The following SLC6A18 variants were observed in gnomAD, a reference collection of about 807,000 sequenced individuals.
SLC6A18 encodes the protein solute carrier family 6 member 18, also known as inactive sodium-dependent neutral amino acid transporter B(0)AT3.
Under a neutral mutation model 62.9 loss-of-function variants are expected in SLC6A18, and 58 were observed. The ratio of observed to expected loss-of-function variants is 0.92; its 90% CI spans 0.75 to 1.15. SLC6A18 has a LOEUF of 1.15. Among genes scored for constraint, SLC6A18 ranks in the 50% most tolerant of loss-of-function variants. SLC6A18 has a pLI of 0.00. For missense variants in SLC6A18, 793 were observed against 836.6 expected, an observed-to-expected ratio of 0.95 and a Z score of 0.64; for synonymous variants, 382 against 365.8, an observed-to-expected ratio of 1.04 and a Z score of -0.51.
chr5:1,227,067 G>T (rs1340584770), intron 1 of SLC6A18, among the ~76,000 whole-genome samples: 12 of 137,710 alleles, frequency 8.7e-5, no homozygotes, highest in Non-Finnish European at 1.7e-4. Flanking sequence ...CACCTTGCCC[G>T]CCGACCCCTT....
intron 3 of SLC6A18, among the ~76,000 whole-genome samples, chr5:1,233,767 A>G (rs1227625975): frequency 3.5e-5 from 3 of 85,140 alleles, no homozygotes; most frequent in African/African-American, 8.3e-5. Flanking sequence ...TTTGAGACGG[A>G]GTCTTGCTCT....
At chr5:1,225,754 A>C in intron 1 of SLC6A18, 117 bp downstream of exon 1, 1 of 1,283,666 alleles carries the variant, frequency 7.8e-7, no homozygotes, top group South Asian at 1.5e-5. Flanking sequence ...CTCCTCCTGG[A>C]AACCAGGGTG....
At chr5:1,242,198 C>T (rs1026376942) in intron 7 of SLC6A18, among the ~76,000 whole-genome samples, 2 of 152,222 alleles carry the variant, frequency 1.3e-5, no homozygotes, top group African/African-American at 4.8e-5. Context: ...CCACCACCCC[C>T]ACCCCCTTTG....
Position 1,239,475 on chromosome 5 carries a change from T to G in SLC6A18, c.758T>G (p.Val253Gly), listed in dbSNP as rs1196952973. Reference protein sequence around the residue: ...PNMHILQNPRVWLDAATQIFF... With the variant: ...PNMHILQNPRGWLDAATQIFF... ...ATGCACATTCTCCAGAACCCCCGGG[T>G]GTGGCTGGACGCAGCCACCCAGATA... is the stretch of plus-strand genomic sequence containing the variant. The change falls in exon 6 of 12, where the codon GTG (valine) becomes GGG (glycine). Residue 253 changes from valine (V) to glycine (G), a missense_variant. Transcript: ENST00000324642. 6.2e-7 allele frequency: 1 copy of G among 1,613,970 alleles called. No individual in the cohort carries two copies.
rs1487453348 is a variant in SLC6A18, at chr5:1,241,383, ACACT to A, written c.974+725_974+728del. On this transcript the variant is annotated intron_variant, in intron 7 of 11. Coordinates refer to ENST00000324642, the MANE Select transcript of SLC6A18 (RefSeq NM_182632.3). This position sits in a 1 kb window ranked among gnomAD's most constrained non-coding sequence, Gnocchi z 7.8. Reference sequence around the variant, plus strand: ...TATATGGAGACATTTTTGATTGGCCACACTTGTGTGAGGGGTGTGCCTGGCATCC... The same window carrying A: ...TATATGGAGACATTTTTGATTGGCCATGTGTGAGGGGTGTGCCTGGCATCC... 1.3e-5 allele frequency among the ~76,000 whole-genome samples: 2 copies of A among 152,172 alleles called. No homozygotes were observed. The highest frequency in any genetic ancestry group is 4.8e-5 in the African/African-American group (2 of 41,442).
intron 6 of SLC6A18, 52 bp downstream of exon 6, chr5:1,239,614 G>A (rs753017681): frequency 1.0e-5 from 14 of 1,366,892 alleles, no homozygotes; most frequent in East Asian, 9.2e-5. Flanking sequence ...GGAGACGCCC[G>A]AGCACTTCCT....
chr5:1,225,411 G>C lies in SLC6A18; in HGVS notation c.-67G>C. 1.3e-6 allele frequency: 2 copies of C among 1,490,326 alleles called. No individual in the cohort carries two copies. The highest frequency in any genetic ancestry group is 1.8e-6 in the Non-Finnish European group (2 of 1,114,946). 92.3% of individuals were successfully genotyped at this position (1,490,326 alleles called of 1,614,324 possible). A position where few individuals can be genotyped will look rare whatever the true frequency, so the allele number is the denominator to read the frequency against. On this transcript the variant is annotated 5_prime_UTR_variant, in exon 1 of 12. Coordinates refer to ENST00000324642, the MANE Select transcript of SLC6A18 (RefSeq NM_182632.3). ...CCAAACGTCGGCAGAGGCTGGAGAC[G>C]GCTCTCTAGTGCTGGGTGTGGAGTG...
rs1412426572 is a variant in SLC6A18 at position 1,241,093 on chromosome 5, A to G, written c.974+434A>G. ...CGCGGCCTGGCCACACTGGGATTTC[A>G]GATGTCACAGTACTCCGGAACGGGA... is the stretch of plus-strand genomic sequence containing the variant. On this transcript the variant is annotated intron_variant, in intron 7 of 11. Transcript: ENST00000324642. This position sits in a 1 kb window ranked among gnomAD's most constrained non-coding sequence, Gnocchi z 7.8. Among the ~76,000 whole-genome samples, 1 of 152,152 alleles carries G rather than the reference A, an allele frequency of 6.6e-6. No homozygotes were observed. Among genetic ancestry groups the G allele is most frequent in the Non-Finnish European group, 1.5e-5 (1 of 68,018 alleles).
At chr5:1,238,128 C>A in intron 5 of SLC6A18, 68 bp downstream of exon 5, 13 of 1,240,498 alleles carry the variant, frequency 1.0e-5, no homozygotes, top group Non-Finnish European at 1.5e-5. Flanking sequence ...GCCAGCAGCT[C>A]CCTCCCTCAC....
chr5:1,232,748 C>A lies in SLC6A18; in HGVS notation c.302-3C>A. 1 of 1,609,276 alleles carries A rather than the reference C, an allele frequency of 6.2e-7. No individual in the cohort carries two copies. The highest frequency in any genetic ancestry group is 8.5e-7 in the Non-Finnish European group (1 of 1,177,456). The stretch of plus-strand genomic sequence containing the variant: ...GGCCACCTGACATGGTCCCTGTCCA[C>A]AGGGCTGGGCTGTGTCACGCTGTCC... On this transcript the variant is annotated splice_polypyrimidine_tract_variant and splice_region_variant and intron_variant, in intron 2 of 11. Coordinates refer to ENST00000324642, the MANE Select transcript of SLC6A18 (RefSeq NM_182632.3).
At position 1,244,242 on chromosome 5, in the gene SLC6A18, C is replaced by A; in HGVS notation, c.1365C>A (p.Ser455=). The change falls in exon 10 of 12, where the codon TCC becomes TCA. Residue 455 remains serine (S), a synonymous_variant. Transcript: ENST00000324642. Reference sequence around the variant, plus strand: ...TGGTCTGCCTGGTCTGCTTCCTCTCCGCCACCTGCTTCACGCTGCAGTCTG... The same window carrying A: ...TGGTCTGCCTGGTCTGCTTCCTCTCAGCCACCTGCTTCACGCTGCAGTCTG... ...TGLVCLVCFL[S]ATCFTLQSGN... 6.2e-7 allele frequency: 1 copy of A among 1,613,224 alleles called. No homozygotes were observed. Among genetic ancestry groups the A allele is most frequent in the East Asian group, 2.2e-5 (1 of 44,840 alleles).
rs34570065 is a variant in SLC6A18, at chr5:1,225,466, C to T, written c.-12C>T. 3.5e-5 allele frequency: 57 copies of T among 1,607,896 alleles called. No homozygotes were observed. Among genetic ancestry groups the T allele is most frequent in the Non-Finnish European group, 4.7e-5 (55 of 1,177,724 alleles). On this transcript the variant is annotated 5_prime_UTR_variant, in exon 1 of 12. Coordinates refer to ENST00000324642, the MANE Select transcript of SLC6A18 (RefSeq NM_182632.3). The stretch of plus-strand genomic sequence containing the variant: ...ACCACCCTTGCCCTGAAGCCTGGGG[C>T]ACTCAGTCACCATGGCTCATGCCCC...
Position 1,244,389 on chromosome 5 carries a change from G to C in SLC6A18, c.1496+16G>C, listed in dbSNP as rs746446808. On this transcript the variant is annotated intron_variant, in intron 10 of 11. Coordinates refer to ENST00000324642, the MANE Select transcript of SLC6A18 (RefSeq NM_182632.3). ...GAATGAAACGGTGAGCTGCCGCCCC[G>C]CCGAGTGCTCCTCTGGGACCCACCA... is the stretch of plus-strand genomic sequence containing the variant. 1 of 1,611,508 alleles carries C rather than the reference G, an allele frequency of 6.2e-7. No homozygotes were observed. Among genetic ancestry groups the C allele is most frequent in the Admixed American group, 1.7e-5 (1 of 59,920 alleles).
Position 1,232,641 on chromosome 5 carries a change from C to T in SLC6A18, c.302-110C>T, listed in dbSNP as rs966386583. 26 of 1,463,840 alleles carry T rather than the reference C, an allele frequency of 1.8e-5. No individual in the cohort carries two copies. In the African/African-American group the frequency reaches 2.3e-4, roughly 13 times the overall value. 90.7% of individuals were successfully genotyped at this position (1,463,840 alleles called of 1,614,324 possible). A position where few individuals can be genotyped will look rare whatever the true frequency, so the allele number is the denominator to read the frequency against. Reference sequence around the variant, plus strand: ...AGGGAGGCCTGGCTTTCAGCTGCGCCCTTCAGCATGTGTTATTTTATGTTG... The same window carrying T: ...AGGGAGGCCTGGCTTTCAGCTGCGCTCTTCAGCATGTGTTATTTTATGTTG... On this transcript the variant is annotated intron_variant, in intron 2 of 11. Transcript: ENST00000324642.
Position 1,233,243 on chromosome 5 carries a change from C to T in SLC6A18, c.439+355C>T, listed in dbSNP as rs541423389. Among the ~76,000 whole-genome samples, 47 of 152,252 alleles carry T rather than the reference C, an allele frequency of 3.1e-4. No homozygotes were observed. In the South Asian group the frequency reaches 8.5e-3, roughly 28 times the overall value. On this transcript the variant is annotated intron_variant, in intron 3 of 11. Transcript: ENST00000324642. ...TTGTCAACCCAGCACTTAGGGAGGC[C>T]GAGGTGGGCAGATCACTTGAGGTCA...
rs761033923 is a variant in SLC6A18, at chr5:1,243,792, C to G, written c.1336+33C>G. The stretch of plus-strand genomic sequence containing the variant: ...CACAGCTCCGCCGCCCTGGAGGACC[C>G]GTCCCCAGCATCTGACTGTCCACTC... On this transcript the variant is annotated intron_variant, in intron 9 of 11. Coordinates refer to ENST00000324642, the MANE Select transcript of SLC6A18 (RefSeq NM_182632.3). The surrounding 1 kb of genome is among the most constrained non-coding windows in gnomAD (Gnocchi z 6.5). 2.6e-6 allele frequency: 4 copies of G among 1,550,306 alleles called. No individual in the cohort carries two copies. The highest frequency in any genetic ancestry group is 1.2e-5 in the South Asian group (1 of 83,078).
At chr5:1,232,630 T>C (rs1414480597) in intron 2 of SLC6A18, 121 bp from the exon 3 acceptor site, 1 of 1,419,912 alleles carries the variant, frequency 7.0e-7, no homozygotes, top group Non-Finnish European at 9.4e-7. Flanking sequence ...AGGCCTGGCT[T>C]TCAGCTGCGC....
rs781203007 is a variant in SLC6A18, at chr5:1,243,553, A to G, written c.1132-2A>G. 2 of 1,612,954 alleles carry G rather than the reference A, an allele frequency of 1.2e-6. No individual in the cohort carries two copies. Among genetic ancestry groups the G allele is most frequent in the Non-Finnish European group, 1.7e-6 (2 of 1,179,922 alleles). On this transcript the variant is annotated splice_acceptor_variant, in intron 8 of 11. Coordinates refer to ENST00000324642, the MANE Select transcript of SLC6A18 (RefSeq NM_182632.3). LOFTEE classifies it high-confidence loss of function. The surrounding 1 kb of genome is among the most constrained non-coding windows in gnomAD (Gnocchi z 6.5). ...TGAAGCCCGGGGCTCCGTGTATTGC[A>G]GAGTGCCTCGGGCCCGGGCCTGGCC... is the stretch of plus-strand genomic sequence containing the variant.
chr5:1,229,945 G>A (rs1746681605), intron 1 of SLC6A18, among the ~76,000 whole-genome samples: 1 of 135,352 alleles, frequency 7.4e-6, no homozygotes, highest in Non-Finnish European at 1.6e-5. Context: ...TGGAGGGGAG[G>A]GAAGAAGGGC....
Sources: gnomAD v4.1 joint callset for allele counts (sites outside exome capture counted in the v4.1 genomes callset) on GRCh38, gnomAD v4.1.1 for gene constraint, Gnocchi (gnomAD v3.1) non-coding constraint, MANE v1.5 for transcripts, NCBI Gene and HGNC (gene_info 2026-07-23, HGNC 2026-07-21) for gene names.